The following NEB variants were observed in gnomAD, a reference collection of about 807,000 sequenced individuals.
NEB encodes the protein nemaline myopathy type 2.
Under a neutral mutation model 952.2 loss-of-function variants are expected in NEB, and 512 were observed. The observed-to-expected ratio is 0.54, with a 90% CI of 0.50 to 0.58. The LOEUF is 0.58. NEB is among the 20% of genes least tolerant of loss of function. The pLI is 0.00. For synonymous variants in NEB, 2,900 were observed against 3,149.8 expected, an observed-to-expected ratio of 0.92 and a Z score of 2.66; for missense variants, 8,428 against 9,231.1, an observed-to-expected ratio of 0.91 and a Z score of 3.56.
intron 114 of NEB, among the ~76,000 whole-genome samples, chr2:151,566,503 G>A (rs2096402562): frequency 1.3e-5 from 2 of 152,174 alleles, no homozygotes; most frequent in South Asian, 4.1e-4. Flanking sequence ...AGAAGACCCA[G>A]GGAGCATTAG....
Position 151,565,819 on chromosome 2 carries a change from T to G in NEB, c.18158A>C (p.Asn6053Thr). 6.2e-7 allele frequency: 1 copy of G among 1,603,500 alleles called. No homozygotes were observed. Among genetic ancestry groups the G allele is most frequent in the East Asian group, 2.2e-5 (1 of 44,648 alleles). ...ARKAYDLQSDNVYRADLEWLR... is the reference protein window; with the variant it reads ...ARKAYDLQSDTVYRADLEWLR... ...CCACTCCAGGTCAGCTCTGTAGACA[T>G]TCTGAGAGCAGGAAGAGAGATATAA... The change falls in exon 115 of 182, where the codon AAT becomes ACT. Residue 6053 changes from asparagine (N) to threonine (T), a missense_variant and splice_region_variant. Physicochemically the swap from Asn to Thr is moderately conservative, Grantham distance 65 (BLOSUM62 0). Coordinates refer to ENST00000397345, the MANE Select transcript of NEB (RefSeq NM_001164508.2).
chr2:151,672,381 T>C lies in NEB; in HGVS notation c.4287A>G (p.Gln1429=), dbSNP rs1575774268. Residue 1429 remains glutamine (Q), a synonymous_variant, in exon 37 of 182, where the codon CAA becomes CAG. Transcript: ENST00000397345. ...TACACATACTTACATCACTCTGAAT[T>C]TGATTGACATTCCTCGTATGCTCAA... ...MSLEHTRNVN[Q]IQSDNVYKDE... 6.3e-7 allele frequency: 1 copy of C among 1,597,140 alleles called. No individual in the cohort carries two copies. The highest frequency in any genetic ancestry group is 1.7e-5 in the Admixed American group (1 of 59,544).
At chr2:151,680,473 C>G (rs760887800) in intron 30 of NEB, among the ~76,000 whole-genome samples, 2 of 151,520 alleles carry the variant, frequency 1.3e-5, no homozygotes, top group Non-Finnish European at 2.9e-5. Context: ...TTTTTGTTGT[C>G]ATTAAGAGAA....
At chr2:151,718,142 C>T (rs1228867422) in intron 9 of NEB, among the ~76,000 whole-genome samples, 3 of 152,142 alleles carry the variant, frequency 2.0e-5, no homozygotes, top group African/African-American at 7.2e-5. Context: ...CGTGAGCCAC[C>T]GCGCCTGGCC....
intron 106 of NEB, 40 bp downstream of exon 106, chr2:151,576,111 A>C: frequency 7.0e-7 from 1 of 1,430,010 alleles, no homozygotes; most frequent in East Asian, 2.3e-5. Context: ...TCATCTATTT[A>C]TGGCATTAAT....
intron 3 of NEB, among the ~76,000 whole-genome samples, chr2:151,731,607 C>A (rs1326913015): frequency 2.6e-5 from 4 of 152,140 alleles, no homozygotes; most frequent in Non-Finnish European, 5.9e-5. Context: ...TGGTCAGACA[C>A]AGATGCTGTA....
At position 151,672,556 on chromosome 2, in the gene NEB, T is replaced by C. The variant is rs2099313677; in HGVS notation, c.4112A>G (p.Lys1371Arg). 2 of 1,614,040 alleles carry C rather than the reference T, an allele frequency of 1.2e-6. No homozygotes were observed. Among genetic ancestry groups the C allele is most frequent in the Non-Finnish European group, 8.5e-7 (1 of 1,179,894 alleles). The change falls in exon 37 of 182, where the codon AAG (lysine) becomes AGG (arginine). Residue 1371 changes from lysine (K) to arginine (R), a missense_variant. By Grantham distance (26) the Lys-to-Arg change is conservative. Coordinates refer to ENST00000397345, the MANE Select transcript of NEB (RefSeq NM_001164508.2). ...GGTTTTGGTGTTCTCATAGTTCTTC[T>C]TGTATTCACGATCAGACTGCAGCTT... ...VAKLQSDREY[K>R]KNYENTKTSY...
chr2:151,706,139 C>T (rs887435059), intron 13 of NEB, among the ~76,000 whole-genome samples: 10 of 152,156 alleles, frequency 6.6e-5, no homozygotes, highest in African/African-American at 2.4e-4. Flanking sequence ...TGGGCAGATC[C>T]ATTTATACCC....
intron 171 of NEB, chr2:151,497,281 A>AT (rs376283107): frequency 0.023 from 16,467 of 711,068 alleles, 57 homozygotes; most frequent in East Asian, 0.075. Flanking sequence ...TATCCATGTT[A>AT]TTTTTTTTTT....
At chr2:151,647,557 T>C (rs1360545598) in intron 54 of NEB, among the ~76,000 whole-genome samples, 2 of 152,202 alleles carry the variant, frequency 1.3e-5, no homozygotes, top group African/African-American at 4.8e-5. Flanking sequence ...TTTAAGTTAT[T>C]AGTAATAGAA....
At chr2:151,732,652 T>C (rs1169878669) in intron 3 of NEB, among the ~76,000 whole-genome samples, 2 of 152,196 alleles carry the variant, frequency 1.3e-5, no homozygotes, top group Admixed American at 1.3e-4. Flanking sequence ...TATAATTTCA[T>C]ACATATGATT....
At position 151,616,084 on chromosome 2, in the gene NEB, T is replaced by A. The variant is rs1295862667; in HGVS notation, c.11207A>T (p.Glu3736Val). Residue 3736 changes from glutamate (E) to valine (V), a missense_variant, in exon 76 of 182, where the codon GAG (glutamate) becomes GTG (valine). Physicochemically the swap from Glu to Val is moderately radical, Grantham distance 121 (BLOSUM62 -2). Transcript: ENST00000397345. ...CAAGTCATAGCCTTCCTTCTTGGAC[T>A]CTTCCAAAGCAAGTTTATAGAGTTT... ...SDKLYKLALE[E>V]SKKEGYDLRL... 6.2e-7 allele frequency: 1 copy of A among 1,612,668 alleles called. No homozygotes were observed.
At chr2:151,502,625 A>G (rs1408040939) in intron 167 of NEB, among the ~76,000 whole-genome samples, 168 bp downstream of exon 167, 2 of 152,198 alleles carry the variant, frequency 1.3e-5, no homozygotes, top group Non-Finnish European at 2.9e-5. Flanking sequence ...AAACACAGTT[A>G]AAATTTCACA....
intron 30 of NEB, among the ~76,000 whole-genome samples, chr2:151,680,495 C>T (rs984162790): frequency 6.6e-6 from 1 of 151,958 alleles, no homozygotes; most frequent in Non-Finnish European, 1.5e-5. Context: ...TCCCTCTTAC[C>T]TTTTCCTTAG....
chr2:151,524,585 A>T lies in NEB; in HGVS notation c.22304T>A (p.Leu7435Gln). 6.3e-7 allele frequency: 1 copy of T among 1,579,136 alleles called. No homozygotes were observed. Among genetic ancestry groups the T allele is most frequent in the Non-Finnish European group, 8.6e-7 (1 of 1,160,876 alleles). Residue 7435 changes from leucine (L) to glutamine (Q), a missense_variant, in exon 152 of 182, where the codon CTG (leucine) becomes CAG (glutamine). Leu to Gln is a moderately radical substitution (Grantham distance 113). Around this residue, in one of 11 missense-constraint regions of NEB, gnomAD observed 3,374 missense variants for 3,651.5 expected, o/e 0.92. Coordinates refer to ENST00000397345, the MANE Select transcript of NEB (RefSeq NM_001164508.2). ...VAYRKDAKENLHYTTVADRPD... is the reference protein window; with the variant it reads ...VAYRKDAKENQHYTTVADRPD... ...TCGATCAGCCACTGTGGTGTAATGC[A>T]GGTTCTCTTTGGCATCTTTTCTGTA... is the stretch of plus-strand genomic sequence containing the variant.
chr2:151,492,668 C>G, intron 176 of NEB, 174 bp from the exon 177 acceptor site: 1 of 413,730 alleles, frequency 2.4e-6, no homozygotes, highest in Non-Finnish European at 4.3e-6. Flanking sequence ...CAGAAGGGCC[C>G]GCCAGTGGAA....
chr2:151,576,144 AACTC>A lies in NEB; in HGVS notation c.16908+3_16908+6del, dbSNP rs776479739. The A allele has an allele frequency of 3.1e-5, 49 of 1,571,414 alleles. No homozygotes were observed. The highest frequency in any genetic ancestry group is 3.9e-5 in the Non-Finnish European group (45 of 1,152,584). On this transcript the variant is annotated splice_donor_5th_base_variant and intron_variant, in intron 106 of 181. Coordinates refer to ENST00000397345, the MANE Select transcript of NEB (RefSeq NM_001164508.2). ...AATTCAATTTTAATAGAGAAAAACTAACTCACAATACTAATATTTTCAGCATTTG... is the reference window on the plus strand; with the variant it reads ...AATTCAATTTTAATAGAGAAAAACTAACAATACTAATATTTTCAGCATTTG...
chr2:151,496,060 C>A (rs755703654), intron 173 of NEB, among the ~76,000 whole-genome samples: 1 of 152,088 alleles, frequency 6.6e-6, no homozygotes, highest in Non-Finnish European at 1.5e-5. Context: ...ATAGGAAAAT[C>A]TGTTACTTCT....
chr2:151,637,760 C>T (rs2098790164), intron 63 of NEB, among the ~76,000 whole-genome samples: 1 of 152,170 alleles, frequency 6.6e-6, no homozygotes. Context: ...TGTAACAGGA[C>T]CTATATTATA....
Sources: gnomAD v4.1 joint callset for allele counts (sites outside exome capture counted in the v4.1 genomes callset) on GRCh38, gnomAD v4.1.1 for gene constraint, gnomAD v4.1.1 regional missense constraint, MANE v1.5 for transcripts, NCBI Gene and HGNC (gene_info 2026-07-23, HGNC 2026-07-21) for gene names.